EGR1: variants seen among roughly 807,000 people sequenced by gnomAD.
The protein encoded by EGR1 is early growth response 1, also known as early growth response protein 1.
EGR1 carries 8 observed loss-of-function variants against 30.2 expected under a neutral mutation model. The observed-to-expected ratio is 0.26, with a 90% CI of 0.16 to 0.48. EGR1 has a LOEUF of 0.48. Ranked by LOEUF, EGR1 falls within the 20% of genes least tolerant of loss-of-function variation. The pLI is 0.99. For missense variants in EGR1, 568 were observed against 732.3 expected (o/e 0.78, Z 2.59); for synonymous variants, 334 against 312.8 (o/e 1.07, Z -0.72).
rs1243802729 is a variant in EGR1, at chr5:138,468,378, G to C, written c.*297G>C. The stretch of plus-strand genomic sequence containing the variant: ...CATGGATTTTGGATAAATCATTTCA[G>C]TATCATCTCCATCATATGCCTGACC... On this transcript the variant is annotated 3_prime_UTR_variant, in exon 2 of 2. Transcript: ENST00000239938. The C allele has an allele frequency of 3.5e-6, 2 of 568,126 alleles. No individual in the cohort carries two copies. Among genetic ancestry groups the C allele is most frequent in the East Asian group, 8.9e-5 (2 of 22,458 alleles). 35.2% of individuals were successfully genotyped at this position (568,126 alleles called of 1,614,324 possible).
At position 138,465,693 on chromosome 5, in the gene EGR1, C is replaced by G; in HGVS notation, c.-69C>G. ...CCCGGCCAGGCCCCCGCAACTGTGT[C>G]CCCTGCAGCTCCAGCCCCGGGCTGC... is the stretch of plus-strand genomic sequence containing the variant. On this transcript the variant is annotated 5_prime_UTR_variant, in exon 1 of 2. Coordinates refer to ENST00000239938, the MANE Select transcript of EGR1 (RefSeq NM_001964.3). 818 of 1,166,178 alleles carry G rather than the reference C, an allele frequency of 7.0e-4. No homozygotes were observed. The highest frequency in any genetic ancestry group is 8.9e-4 in the Non-Finnish European group (743 of 834,382). 72.2% of individuals were successfully genotyped at this position (1,166,178 alleles called of 1,614,324 possible). A position where few individuals can be genotyped will look rare whatever the true frequency, so the allele number is the denominator to read the frequency against.
Position 138,466,259 on chromosome 5 carries a change from G to A in EGR1, c.307+191G>A, listed in dbSNP as rs552906887. Among the ~76,000 whole-genome samples, 121 of 152,380 alleles carry A rather than the reference G, an allele frequency of 7.9e-4. 1 individual carries two copies. Among genetic ancestry groups the A allele is most frequent in the African/African-American group, 2.7e-3 (111 of 41,594 alleles). ...CCCACCCCCTGCCCTCATCCCTAGC[G>A]GAGCGCAGAGGACCGAGCTTTTGTT... On this transcript the variant is annotated intron_variant, in intron 1 of 1. Transcript: ENST00000239938.
At chr5:138,466,653 C>T (rs1764161731) in intron 1 of EGR1, 104 bp from the exon 2 acceptor site, 2 of 1,333,470 alleles carry the variant, frequency 1.5e-6, no homozygotes, top group Admixed American at 2.1e-5. Flanking sequence ...CCTCGGGAGT[C>T]AATGGTAGCC....
rs1042086 is a variant in EGR1 at position 138,465,688 on chromosome 5, T to G, written c.-74T>G. ...TGTAACCCGGCCAGGCCCCCGCAAC[T>G]GTGTCCCCTGCAGCTCCAGCCCCGG... is the stretch of plus-strand genomic sequence containing the variant. On this transcript the variant is annotated 5_prime_UTR_variant, in exon 1 of 2. Transcript: ENST00000239938. The G allele has an allele frequency of 7.0e-7, 1 of 1,424,914 alleles. No homozygotes were observed. The highest frequency in any genetic ancestry group is 9.3e-7 in the Non-Finnish European group (1 of 1,076,906). The allele number at this position is 1,424,914 out of a possible 1,614,324, so 88.3% of individuals were successfully genotyped here.
At position 138,467,810 on chromosome 5, in the gene EGR1, T is replaced by C. The variant is rs865951226; in HGVS notation, c.1361T>C (p.Val454Ala). The change falls in exon 2 of 2, where the codon GTT becomes GCT. Residue 454 changes from valine (V) to alanine (A), a missense_variant. Coordinates refer to ENST00000239938, the MANE Select transcript of EGR1 (RefSeq NM_001964.3). This position sits in a 1 kb window ranked among gnomAD's most constrained non-coding sequence, Gnocchi z 8.3. ...SPVATSYPSPVTTSYPSPATT... is the reference protein window; with the variant it reads ...SPVATSYPSPATTSYPSPATT... ...GTTGCTACCTCTTACCCGTCCCCGGTTACTACCTCTTATCCATCCCCGGCC... is the reference window on the plus strand; with the variant it reads ...GTTGCTACCTCTTACCCGTCCCCGGCTACTACCTCTTATCCATCCCCGGCC... 6.2e-7 allele frequency: 1 copy of C among 1,612,582 alleles called. No homozygotes were observed.
At position 138,466,916 on chromosome 5, in the gene EGR1, G is replaced by C. The variant is rs1415768432; in HGVS notation, c.467G>C (p.Ser156Thr). 2 of 1,613,938 alleles carry C rather than the reference G, an allele frequency of 1.2e-6. No homozygotes were observed. Among genetic ancestry groups the C allele is most frequent in the African/African-American group, 2.7e-5 (2 of 74,930 alleles). The change falls in exon 2 of 2, where the codon AGC (serine) becomes ACC (threonine). Residue 156 changes from serine to threonine, a missense_variant. By Grantham distance (58) the Ser-to-Thr change is moderately conservative. This residue lies in a region of EGR1 where 415 missense variants were observed against 445.2 expected (regional missense o/e 0.93). Coordinates refer to ENST00000239938, the MANE Select transcript of EGR1 (RefSeq NM_001964.3). ...ACCTTGTGGCCCGAGCCCCTCTTCA[G>C]CTTGGTCAGTGGCCTAGTGAGCATG... ...GNTLWPEPLF[S>T]LVSGLVSMTN...
At chr5:138,466,294 G>A (rs1402579828) in intron 1 of EGR1, among the ~76,000 whole-genome samples, 3 of 152,282 alleles carry the variant, frequency 2.0e-5, no homozygotes, top group Non-Finnish European at 4.4e-5. Flanking sequence ...TTTGGATGGA[G>A]AGCTCTGGAG....
At position 138,467,281 on chromosome 5, in the gene EGR1, G is replaced by A; in HGVS notation, c.832G>A (p.Glu278Lys). 6.2e-7 allele frequency: 1 copy of A among 1,613,778 alleles called. No homozygotes were observed. Among genetic ancestry groups the A allele is most frequent in the Non-Finnish European group, 8.5e-7 (1 of 1,179,974 alleles). Reference sequence around the variant, plus strand: ...AGACCAGAAGCCCTTCCAGGGCCTGGAGAGCCGCACCCAGCAGCCTTCGCT... The same window carrying A: ...AGACCAGAAGCCCTTCCAGGGCCTGAAGAGCCGCACCCAGCAGCCTTCGCT... The part of the protein sequence containing the change: ...TPDQKPFQGL[E>K]SRTQQPSLTP... Residue 278 changes from glutamate to lysine, a missense_variant, in exon 2 of 2, where the codon GAG becomes AAG. By Grantham distance (56) the Glu-to-Lys change is moderately conservative. Coordinates refer to ENST00000239938, the MANE Select transcript of EGR1 (RefSeq NM_001964.3). The surrounding 1 kb of genome is among the most constrained non-coding windows in gnomAD (Gnocchi z 8.3).
In EGR1 at chr5:138,468,125, A is replaced by G. The variant is rs1309672392; in HGVS notation, c.*44A>G. Reference sequence around the variant, plus strand: ...GGGAAAAGGGAGAAAAAGAAACACAAGAGACTTAAAGGACAGGAGGAGGAG... The same window carrying G: ...GGGAAAAGGGAGAAAAAGAAACACAGGAGACTTAAAGGACAGGAGGAGGAG... On this transcript the variant is annotated 3_prime_UTR_variant, in exon 2 of 2. Transcript: ENST00000239938. The G allele has an allele frequency of 2.6e-6, 4 of 1,537,582 alleles. No individual in the cohort carries two copies. Among genetic ancestry groups the G allele is most frequent in the East Asian group, 2.3e-5 (1 of 44,274 alleles).
Position 138,465,501 on chromosome 5 carries a change from T to G in EGR1, c.-261T>G, listed in dbSNP as rs1295718521. The G allele has an allele frequency of 8.5e-6, 2 of 235,216 alleles. No homozygotes were observed. Among genetic ancestry groups the G allele is most frequent in the East Asian group, 2.0e-4 (2 of 9,992 alleles). The allele number at this position is 235,216 out of a possible 1,614,324, so 14.6% of individuals were successfully genotyped here. ...CGCGAGAGATCCCAGCGCGCAGAAC[T>G]TGGGGAGCCGCCGCCGCCATCCGCC... is the stretch of plus-strand genomic sequence containing the variant. On this transcript the variant is annotated 5_prime_UTR_variant, in exon 1 of 2. Transcript: ENST00000239938.
chr5:138,467,115 C>T lies in EGR1; in HGVS notation c.666C>T (p.Ser222=). Residue 222 remains serine, a synonymous_variant, in exon 2 of 2, where the codon AGC becomes AGT. Coordinates refer to ENST00000239938, the MANE Select transcript of EGR1 (RefSeq NM_001964.3). This position sits in a 1 kb window ranked among gnomAD's most constrained non-coding sequence, Gnocchi z 8.3. The part of the protein sequence containing the change: ...PNTDIFPEPQ[S]QAFPGSAGTA... ...CTGACATTTTCCCTGAGCCACAAAG[C>T]CAGGCCTTCCCGGGCTCGGCAGGGA... 1 of 1,613,786 alleles carries T rather than the reference C, an allele frequency of 6.2e-7. No individual in the cohort carries two copies. The highest frequency in any genetic ancestry group is 1.3e-5 in the African/African-American group (1 of 75,022).
At position 138,468,594 on chromosome 5, in the gene EGR1, AAAAG is replaced by A. The variant is rs1408198524; in HGVS notation, c.*517_*520del. On this transcript the variant is annotated 3_prime_UTR_variant, in exon 2 of 2. Transcript: ENST00000239938. The stretch of plus-strand genomic sequence containing the variant: ...AGGTCCTCACTTGGGGGAAAAAAAA[AAAAG>A]AAAAGCCAAGCAAACCAATGGTGAT... 5.9e-6 allele frequency: 1 copy of A among 168,866 alleles called. No individual in the cohort carries two copies. The highest frequency in any genetic ancestry group is 1.3e-5 in the Non-Finnish European group (1 of 77,448). The allele number at this position is 168,866 out of a possible 1,614,324, so 10.5% of individuals were successfully genotyped here.
rs772398081 is a variant in EGR1, at chr5:138,468,041, T to C, written c.1592T>C (p.Met531Thr). 6.3e-6 allele frequency: 10 copies of C among 1,594,884 alleles called. No homozygotes were observed. Among genetic ancestry groups the C allele is most frequent in the Non-Finnish European group, 2.6e-6 (3 of 1,170,974 alleles). ...AGCGCCTCCACAGGGCTTTCGGACA[T>C]GACAGCAACCTTTTCTCCCAGGACA... ...SFSASTGLSD[M>T]TATFSPRTIE... The change falls in exon 2 of 2, where the codon ATG becomes ACG. Residue 531 changes from methionine to threonine, a missense_variant. Coordinates refer to ENST00000239938, the MANE Select transcript of EGR1 (RefSeq NM_001964.3).
chr5:138,465,675 A>C lies in EGR1; in HGVS notation c.-87A>C. The C allele has an allele frequency of 5.1e-6, 7 of 1,375,474 alleles. No homozygotes were observed. Among genetic ancestry groups the C allele is most frequent in the Non-Finnish European group, 6.7e-6 (7 of 1,044,042 alleles). 85.2% of individuals were successfully genotyped at this position (1,375,474 alleles called of 1,614,324 possible). On this transcript the variant is annotated 5_prime_UTR_variant, in exon 1 of 2. Transcript: ENST00000239938. ...CCCGCGCCCCGCATGTAACCCGGCC[A>C]GGCCCCCGCAACTGTGTCCCCTGCA...
chr5:138,467,702 A>G lies in EGR1; in HGVS notation c.1253A>G (p.His418Arg). 6.2e-7 allele frequency: 1 copy of G among 1,614,204 alleles called. No homozygotes were observed. The highest frequency in any genetic ancestry group is 8.5e-7 in the Non-Finnish European group (1 of 1,180,026). Residue 418 changes from histidine (H) to arginine (R), a missense_variant, in exon 2 of 2, where the codon CAC becomes CGC. His to Arg is a conservative substitution (Grantham distance 29). This residue lies in a region of EGR1 where 118 missense variants were observed against 161.6 expected (regional missense o/e 0.73). Transcript: ENST00000239938. This position sits in a 1 kb window ranked among gnomAD's most constrained non-coding sequence, Gnocchi z 8.3. ...GAACGCAAGAGGCATACCAAGATCC[A>G]CTTGCGGCAGAAGGACAAGAAAGCA... ...SDERKRHTKI[H>R]LRQKDKKADK...
In EGR1 at chr5:138,467,121, C is replaced by A; in HGVS notation, c.672C>A (p.Ala224=). The part of the protein sequence containing the change: ...TDIFPEPQSQ[A]FPGSAGTALQ... ...TTTTCCCTGAGCCACAAAGCCAGGC[C>A]TTCCCGGGCTCGGCAGGGACAGCGC... Residue 224 remains alanine, a synonymous_variant, in exon 2 of 2, where the codon GCC becomes GCA. Coordinates refer to ENST00000239938, the MANE Select transcript of EGR1 (RefSeq NM_001964.3). This position sits in a 1 kb window ranked among gnomAD's most constrained non-coding sequence, Gnocchi z 8.3. 6.2e-7 allele frequency: 1 copy of A among 1,613,798 alleles called. No individual in the cohort carries two copies.
rs199668112 is a variant in EGR1, at chr5:138,468,682, G to T, written c.*601G>T. On this transcript the variant is annotated 3_prime_UTR_variant, in exon 2 of 2. Transcript: ENST00000239938. ...TTGAACCTTTTTTTTTGAAACAGCA[G>T]TCCCAGTATTCTCAGAGCATGTGTC... is the stretch of plus-strand genomic sequence containing the variant. 6 of 155,684 alleles carry T rather than the reference G, an allele frequency of 3.9e-5. No homozygotes were observed. Among genetic ancestry groups the T allele is most frequent in the Non-Finnish European group, 8.5e-5 (6 of 70,358 alleles). The allele number at this position is 155,684 out of a possible 1,614,324, so 9.6% of individuals were successfully genotyped here. A position where few individuals can be genotyped will look rare whatever the true frequency, so the allele number is the denominator to read the frequency against.
chr5:138,466,728 A>G, intron 1 of EGR1, 29 bp from the exon 2 acceptor site: 1 of 1,585,646 alleles, frequency 6.3e-7, no homozygotes, highest in Middle Eastern at 1.7e-4. Context: ...TCCAGTAACC[A>G]GGCCTCCCGC....
chr5:138,466,944 C>A lies in EGR1; in HGVS notation c.495C>A (p.Thr165=). The A allele has an allele frequency of 6.2e-7, 1 of 1,613,982 alleles. No homozygotes were observed. The highest frequency in any genetic ancestry group is 2.2e-5 in the East Asian group (1 of 44,854). ...FSLVSGLVSM[T]NPPASSSSAP... The stretch of plus-strand genomic sequence containing the variant: ...TGGTCAGTGGCCTAGTGAGCATGAC[C>A]AACCCACCGGCCTCCTCGTCCTCAG... The change falls in exon 2 of 2, where the codon ACC becomes ACA. Residue 165 remains threonine (T), a synonymous_variant. Transcript: ENST00000239938.
Sources: gnomAD v4.1 joint callset for allele counts (sites outside exome capture counted in the v4.1 genomes callset) on GRCh38, gnomAD v4.1.1 for gene constraint, gnomAD v4.1.1 regional missense constraint, Gnocchi (gnomAD v3.1) non-coding constraint, MANE v1.5 for transcripts, NCBI Gene and HGNC (gene_info 2026-07-23, HGNC 2026-07-21) for gene names.